Variants in ELMO1 observed in about 807,000 individuals in gnomAD.
ELMO1 encodes the protein engulfment and cell motility protein 1.
A neutral mutation model predicts 98.9 loss-of-function variants in ELMO1; 26 were observed. That is an observed-to-expected ratio of 0.26 (90% CI 0.19 to 0.36). ELMO1 has a LOEUF of 0.36. ELMO1 is among the 10% of genes least tolerant of loss of function. The pLI is 1.00. For missense variants in ELMO1, 627 were observed against 935.2 expected (o/e 0.67, Z 4.30); for synonymous variants, 346 against 346.0 (o/e 1.00, Z 0.00).
chr7:36,943,011 G>A (rs971939123), intron 16 of ELMO1, among the ~76,000 whole-genome samples: 1 of 152,192 alleles, frequency 6.6e-6, no homozygotes, highest in Admixed American at 6.5e-5. Flanking sequence ...CATGGTCACG[G>A]CAGGCTGGCA....
In ELMO1 at chr7:37,155,503, A is replaced by AAAAAAAAAAT. The variant is rs61189239; in HGVS notation, c.1087-22270_1087-22269insATTTTTTTTT. On this transcript the variant is annotated intron_variant, in intron 13 of 21. Coordinates refer to ENST00000310758, the MANE Select transcript of ELMO1 (RefSeq NM_014800.11). ...AACGGAAAGCAAAAAAAAAAAAAAA[A>AAAAAAAAAAT]AAAAAGCAGGTGTTGCAATCCTGGT... 1.7e-4 allele frequency among the ~76,000 whole-genome samples: 23 copies of AAAAAAAAAAT among 131,778 alleles called. 1 individual carries two copies. In the East Asian group the frequency reaches 2.9e-3, roughly 17 times the overall value. 86.5% of individuals were successfully genotyped at this position (131,778 alleles called of 152,430 possible).
chr7:37,356,348 T>G (rs1328008456), intron 1 of ELMO1, among the ~76,000 whole-genome samples: 1 of 152,196 alleles, frequency 6.6e-6, no homozygotes, highest in Non-Finnish European at 1.5e-5. Flanking sequence ...AAATGATATT[T>G]CTGGCTCCAG....
chr7:37,129,258 T>C (rs1786739729), intron 14 of ELMO1, among the ~76,000 whole-genome samples: 1 of 152,140 alleles, frequency 6.6e-6, no homozygotes, highest in Non-Finnish European at 1.5e-5. Flanking sequence ...CGGAACTCTT[T>C]AGGAAGATCA....
At chr7:37,372,468 A>G (rs1562649309) in intron 1 of ELMO1, among the ~76,000 whole-genome samples, 1 of 152,234 alleles carries the variant, frequency 6.6e-6, no homozygotes, top group African/African-American at 2.4e-5. Flanking sequence ...TACATGCTCA[A>G]TAAATGATCA....
At chr7:37,264,638 G>A (rs1449417244) in intron 5 of ELMO1, among the ~76,000 whole-genome samples, 1 of 152,146 alleles carries the variant, frequency 6.6e-6, no homozygotes, top group Non-Finnish European at 1.5e-5. Flanking sequence ...ATATTTTCTG[G>A]TATTGCTCTA....
chr7:37,307,352 G>C (rs1798664075), intron 4 of ELMO1, among the ~76,000 whole-genome samples: 2 of 151,956 alleles, frequency 1.3e-5, no homozygotes. Context: ...GGCTTTATAA[G>C]GGGCTCTCCC....
chr7:37,209,655 T>C (rs952759683), intron 13 of ELMO1, among the ~76,000 whole-genome samples: 2 of 152,194 alleles, frequency 1.3e-5, no homozygotes, highest in Non-Finnish European at 2.9e-5. Flanking sequence ...CCTCGATATG[T>C]CTTGCTTACC....
intron 5 of ELMO1, among the ~76,000 whole-genome samples, chr7:37,261,758 T>C (rs564266581): frequency 2.3e-4 from 35 of 152,336 alleles, no homozygotes; most frequent in Non-Finnish European, 4.4e-4. Flanking sequence ...TCTTGCACCA[T>C]GCCTGGCTAA....
rs1346616173 is a variant in ELMO1, at chr7:37,361,928, C to A, written c.-73-19165G>T. On this transcript the variant is annotated intron_variant, in intron 1 of 21. Coordinates refer to ENST00000310758, the MANE Select transcript of ELMO1 (RefSeq NM_014800.11). The stretch of plus-strand genomic sequence containing the variant: ...AGTGAGCAGAGGTTGCACCACCACA[C>A]TCCAGCCTGGGAGACAGAGACCCAG... Among the ~76,000 whole-genome samples, 6 of 152,174 alleles carry A rather than the reference C, an allele frequency of 3.9e-5. No homozygotes were observed. The East Asian group carries it at 1.2e-3, about 29-fold the overall frequency.
At chr7:37,316,884 A>T (rs958026988) in intron 2 of ELMO1, among the ~76,000 whole-genome samples, 8 of 151,906 alleles carry the variant, frequency 5.3e-5, no homozygotes, top group African/African-American at 1.9e-4. Context: ...ATGAAGGGCA[A>T]TGTGGTATCT....
chr7:37,110,698 A>C (rs1211108006), intron 14 of ELMO1, among the ~76,000 whole-genome samples: 2 of 152,178 alleles, frequency 1.3e-5, no homozygotes. Flanking sequence ...TAGATTTATC[A>C]TGGGAAAGAA....
intron 13 of ELMO1, among the ~76,000 whole-genome samples, chr7:37,163,037 T>A (rs1789338638): frequency 6.6e-6 from 1 of 152,212 alleles, no homozygotes; most frequent in Non-Finnish European, 1.5e-5. Flanking sequence ...GGTTGCCTTA[T>A]TTTCAAGTTT....
chr7:37,423,968 TG>T (rs1248354005), intron 1 of ELMO1, among the ~76,000 whole-genome samples: 2 of 152,162 alleles, frequency 1.3e-5, no homozygotes, highest in Admixed American at 1.3e-4. Context: ...GAGTACTTGC[TG>T]GGGGCTACGC....
At position 36,895,994 on chromosome 7, in the gene ELMO1, C is replaced by T. The variant is rs570132266; in HGVS notation, c.1438-977G>A. On this transcript the variant is annotated intron_variant, in intron 16 of 21. Transcript: ENST00000310758. ...TTGAAACTTTAAGAAACTTCAAAAT[C>T]ATACCATTGGTCATTAAGTGGCTGA... Among the ~76,000 whole-genome samples the T allele has an allele frequency of 2.6e-5, 4 of 152,306 alleles. No homozygotes were observed. The South Asian group carries it at 8.3e-4, about 32-fold the overall frequency.
chr7:37,394,404 G>A (rs1017640993), intron 1 of ELMO1, among the ~76,000 whole-genome samples: 3 of 152,168 alleles, frequency 2.0e-5, no homozygotes, highest in Non-Finnish European at 4.4e-5. Flanking sequence ...GGATCAGACA[G>A]GCCTCAGACG....
intron 4 of ELMO1, among the ~76,000 whole-genome samples, chr7:37,285,935 T>C (rs1797371612): frequency 6.6e-6 from 1 of 151,654 alleles, no homozygotes; most frequent in Non-Finnish European, 1.5e-5. Flanking sequence ...TGCTTAAACA[T>C]GGGGTGCAAT....
At chr7:36,973,976 C>T (rs1030976335) in intron 16 of ELMO1, among the ~76,000 whole-genome samples, 4 of 152,230 alleles carry the variant, frequency 2.6e-5, no homozygotes, top group Admixed American at 6.5e-5. Context: ...TGCCTTCCCG[C>T]GGGGCAGGGC....
At chr7:37,026,167 T>C (rs1160543791) in intron 15 of ELMO1, among the ~76,000 whole-genome samples, 1 of 152,178 alleles carries the variant, frequency 6.6e-6, no homozygotes, top group Non-Finnish European at 1.5e-5. Flanking sequence ...TGGATATAAG[T>C]AATTGCCTGT....
chr7:37,022,102 C>T (rs1251541079), intron 15 of ELMO1, among the ~76,000 whole-genome samples: 13 of 152,158 alleles, frequency 8.5e-5, no homozygotes, highest in Admixed American at 8.5e-4. Flanking sequence ...CTGCAAAGAT[C>T]AGTTCTGCGT....
Sources: allele counts gnomAD v4.1 joint callset (sites outside exome capture counted in the v4.1 genomes callset), GRCh38; gene constraint gnomAD v4.1.1; transcripts MANE v1.5; gene names NCBI Gene and HGNC (gene_info 2026-07-23, HGNC 2026-07-21).